The following DIPK1C variants were observed in gnomAD, a reference collection of about 807,000 sequenced individuals.
DIPK1C encodes familial non-conventional Alzheimer's dementia.
In DIPK1C, 33 loss-of-function variants were observed where a neutral mutation model predicts 28.0. The observed-to-expected ratio is 1.18, with a 90% CI of 0.89 to 1.58. The LOEUF (loss-of-function observed/expected upper bound fraction) is 1.58. Ranked by LOEUF, DIPK1C falls within the 40% of genes most tolerant of loss-of-function variation. The pLI, the probability that DIPK1C is intolerant of heterozygous loss-of-function variation, is 0.00. For missense variants in DIPK1C, 569 were observed against 568.5 expected, an observed-to-expected ratio of 1.00 and a Z score of -0.01; for synonymous variants, 255 against 248.8, an observed-to-expected ratio of 1.02 and a Z score of -0.23.
upstream of DIPK1C, among the ~76,000 whole-genome samples, chr18:74,461,660 T>C (rs1408414167): frequency 6.6e-6 from 1 of 151,980 alleles, no homozygotes; most frequent in African/African-American, 2.4e-5. Context: ...TGAGTCACTG[T>C]GCCTGGCCCA....
chr18:74,441,042 C>T (rs1406674741), intron 3 of DIPK1C, among the ~76,000 whole-genome samples: 1 of 152,206 alleles, frequency 6.6e-6, no homozygotes, highest in Non-Finnish European at 1.5e-5. Context: ...CCTGTCCCAG[C>T]CTTCCCAAAT....
intron 1 of DIPK1C, among the ~76,000 whole-genome samples, chr18:74,454,536 C>T (rs1435045401): frequency 1.3e-5 from 2 of 152,232 alleles, no homozygotes; most frequent in Admixed American, 6.5e-5. Flanking sequence ...GCTCAGCTGG[C>T]AAAGTGGTTT....
chr18:74,452,387 A>T (rs912847609), intron 1 of DIPK1C, among the ~76,000 whole-genome samples: 1 of 151,728 alleles, frequency 6.6e-6, no homozygotes, highest in Admixed American at 6.6e-5. Context: ...ACAGAAAAAG[A>T]TTTCATCCAG....
At chr18:74,460,275 G>C (rs1490958173), upstream of DIPK1C, among the ~76,000 whole-genome samples, 2 of 152,210 alleles carry the variant, frequency 1.3e-5, no homozygotes, top group Non-Finnish European at 2.9e-5. Flanking sequence ...AAAGAGCCTT[G>C]ACCAGTACAG....
At chr18:74,451,765 C>T (rs1311908290) in intron 1 of DIPK1C, among the ~76,000 whole-genome samples, 2 of 152,224 alleles carry the variant, frequency 1.3e-5, no homozygotes, top group Non-Finnish European at 2.9e-5. Flanking sequence ...GCTGACCAGA[C>T]CTGCCAGCTT....
At chr18:74,451,830 G>C (rs1397249106) in intron 1 of DIPK1C, among the ~76,000 whole-genome samples, 2 of 152,150 alleles carry the variant, frequency 1.3e-5, no homozygotes, top group African/African-American at 4.8e-5. Context: ...CAGTCACCGC[G>C]CTTGTCCTAA....
chr18:74,446,302 C>A (rs1986258461), intron 2 of DIPK1C, among the ~76,000 whole-genome samples: 1 of 152,200 alleles, frequency 6.6e-6, no homozygotes, highest in Non-Finnish European at 1.5e-5. Flanking sequence ...GTTGCTGTTA[C>A]GTGAGCTCAA....
rs988849992 is a variant in DIPK1C at position 74,446,710 on chromosome 18, G to A, written c.772C>T (p.Leu258Phe). The change falls in exon 2 of 4, where the codon CTC becomes TTC. Residue 258 changes from leucine to phenylalanine, a missense_variant. Physicochemically the swap from Leu to Phe is conservative, Grantham distance 22. Coordinates refer to ENST00000343998, the MANE Select transcript of DIPK1C (RefSeq NM_001044369.3). ...TGGTTCACCATGTCCAAGAAGCTGAGTGCGATGTCACTGATGGCCTTGGCC... is the reference window on the plus strand; with the variant it reads ...TGGTTCACCATGTCCAAGAAGCTGAATGCGATGTCACTGATGGCCTTGGCC... ...GQAKAISDIA[L>F]SFLDMVNHFD... 3.9e-6 allele frequency: 6 copies of A among 1,543,050 alleles called. No individual in the cohort carries two copies. The highest frequency in any genetic ancestry group is 1.8e-6 in the Non-Finnish European group (2 of 1,142,608).
intron 3 of DIPK1C, among the ~76,000 whole-genome samples, chr18:74,437,389 G>C (rs1986022061): frequency 1.3e-5 from 2 of 152,176 alleles, no homozygotes; most frequent in Admixed American, 1.3e-4. Context: ...TTCTAATCGG[G>C]TATGAAATTC....
chr18:74,437,757 C>T (rs536333628), intron 3 of DIPK1C, among the ~76,000 whole-genome samples: 12 of 152,350 alleles, frequency 7.9e-5, no homozygotes, highest in African/African-American at 2.6e-4. Context: ...CCCCGATGCT[C>T]AGCTCCCGCT....
At chr18:74,438,889 C>T (rs1278844618) in intron 3 of DIPK1C, among the ~76,000 whole-genome samples, 2 of 152,196 alleles carry the variant, frequency 1.3e-5, no homozygotes, top group African/African-American at 2.4e-5. Flanking sequence ...TGGGCCCACC[C>T]TCTTTAACCA....
Position 74,447,783 on chromosome 18 carries a change from A to G in DIPK1C, c.199-500T>C, listed in dbSNP as rs942668093. Among the ~76,000 whole-genome samples the G allele has an allele frequency of 4.6e-5, 7 of 152,196 alleles. No individual in the cohort carries two copies. Among genetic ancestry groups the G allele is most frequent in the African/African-American group, 1.7e-4 (7 of 41,454 alleles). On this transcript the variant is annotated intron_variant, in intron 1 of 3. Coordinates refer to ENST00000343998, the MANE Select transcript of DIPK1C (RefSeq NM_001044369.3). The surrounding 1 kb of genome is among the most constrained non-coding windows in gnomAD (Gnocchi z 4.1). ...CAGTAATGACCCTTCCTGCAAGTACATTCCTTGAGCTTACTGTTTTCCACA... is the reference window on the plus strand; with the variant it reads ...CAGTAATGACCCTTCCTGCAAGTACGTTCCTTGAGCTTACTGTTTTCCACA...
In DIPK1C at chr18:74,447,071, C is replaced by A; in HGVS notation, c.411G>T (p.Glu137Asp). The A allele has an allele frequency of 6.5e-7, 1 of 1,550,372 alleles. No homozygotes were observed. The highest frequency in any genetic ancestry group is 2.4e-5 in the East Asian group (1 of 40,916). Residue 137 changes from glutamate (E) to aspartate (D), a missense_variant, in exon 2 of 4, where the codon GAG becomes GAT. Transcript: ENST00000343998. The surrounding 1 kb of genome is among the most constrained non-coding windows in gnomAD (Gnocchi z 4.1). ...CGGCCTCGGGCATGTCCTGGCCACC[C>A]TCCCCTGCCTCCTCTTCCAACAGGC... ...PLSLLEEEAG[E>D]GGQDMPEAEL...
chr18:74,438,590 C>T (rs1986050182), intron 3 of DIPK1C, among the ~76,000 whole-genome samples: 1 of 152,198 alleles, frequency 6.6e-6, no homozygotes. Context: ...TAATTTGCAT[C>T]TTTCTTAGTT....
chr18:74,459,241 A>G (rs1986581294), upstream of DIPK1C, among the ~76,000 whole-genome samples: 1 of 152,244 alleles, frequency 6.6e-6, no homozygotes, highest in South Asian at 2.1e-4. Flanking sequence ...AAAACATAGG[A>G]ACAGAAATTA....
upstream of DIPK1C, among the ~76,000 whole-genome samples, chr18:74,460,930 G>A (rs1471918430): frequency 6.6e-6 from 1 of 152,218 alleles, no homozygotes; most frequent in Non-Finnish European, 1.5e-5. Flanking sequence ...CTGTGCAAAG[G>A]GAGATGCTGC....
chr18:74,463,085 G>A, the DIPK1C span, among the ~76,000 whole-genome samples: 3 of 152,194 alleles, frequency 2.0e-5, no homozygotes, highest in South Asian at 2.1e-4. Context: ...GCCCAAGAAC[G>A]TGGGGTGCCC....
Position 74,457,231 on chromosome 18 carries a change from G to C in DIPK1C, c.29C>G (p.Pro10Arg), listed in dbSNP as rs1463682958. Residue 10 changes from proline to arginine, a missense_variant, in exon 1 of 4, where the codon CCT (proline) becomes CGT (arginine). Pro to Arg is a moderately radical substitution (Grantham distance 103). Coordinates refer to ENST00000343998, the MANE Select transcript of DIPK1C (RefSeq NM_001044369.3). MARAAGARGPAGWCRRRGRC... is the reference protein window; with the variant it reads MARAAGARGRAGWCRRRGRC... ...CCCGCGCCTCCTGCACCACCCGGCA[G>C]GGCCCCGCGCGCCCGCCGCCCGCGC... 23 of 1,059,348 alleles carry C rather than the reference G, an allele frequency of 2.2e-5. No homozygotes were observed. Among genetic ancestry groups the C allele is most frequent in the Non-Finnish European group, 2.6e-5 (23 of 879,824 alleles). The allele number at this position is 1,059,348 out of a possible 1,614,324, so 65.6% of individuals were successfully genotyped here. A position where few individuals can be genotyped will look rare whatever the true frequency, so the allele number is the denominator to read the frequency against.
At chr18:74,459,277 C>T (rs548955282), upstream of DIPK1C, among the ~76,000 whole-genome samples, 2 of 152,038 alleles carry the variant, frequency 1.3e-5, no homozygotes, top group African/African-American at 4.8e-5. Flanking sequence ...AACTTGAAAT[C>T]AAAATTAACC....
Sources: gnomAD v4.1 joint callset for allele counts (sites outside exome capture counted in the v4.1 genomes callset) on GRCh38, gnomAD v4.1.1 for gene constraint, Gnocchi (gnomAD v3.1) non-coding constraint, MANE v1.5 for transcripts, NCBI Gene and HGNC (gene_info 2026-07-23, HGNC 2026-07-21) for gene names.